The following DLGAP2 variants were observed in gnomAD, a reference collection of about 807,000 sequenced individuals.
DLGAP2 encodes disks large-associated protein 2.
DLGAP2 carries 26 observed loss-of-function variants against 100.3 expected under a neutral mutation model. That is an observed-to-expected ratio of 0.26 (90% CI 0.19 to 0.36). The LOEUF is 0.36. Ranked by LOEUF, DLGAP2 falls within the 10% of genes least tolerant of loss-of-function variation. DLGAP2 has a pLI of 1.00. For missense variants in DLGAP2, 1,858 were observed against 1,453.2 expected, an observed-to-expected ratio of 1.28 and a Z score of -4.53; for synonymous variants, 886 against 630.1, an observed-to-expected ratio of 1.41 and a Z score of -6.08.
rs549690267 is a variant in DLGAP2 at position 1,529,695 on chromosome 8, A to G, written c.173-18931A>G. On this transcript the variant is annotated intron_variant, in intron 4 of 14. Transcript: ENST00000637795. ...GAACAATGTGAAAAAATGGCAAATAATTACTCTTTGAACAGACACTTATCA... is the reference window on the plus strand; with the variant it reads ...GAACAATGTGAAAAAATGGCAAATAGTTACTCTTTGAACAGACACTTATCA... 2.3e-4 allele frequency among the ~76,000 whole-genome samples: 35 copies of G among 152,350 alleles called. 2 individuals carry two copies. Among genetic ancestry groups the G allele is most frequent in the African/African-American group, 7.7e-4 (32 of 41,576 alleles).
At chr8:1,566,847 C>T (rs941115104) in intron 6 of DLGAP2, among the ~76,000 whole-genome samples, 21 of 152,216 alleles carry the variant, frequency 1.4e-4, no homozygotes, top group African/African-American at 5.1e-4. Context: ...CCAAATCTTA[C>T]AAATTAGAAC....
At chr8:1,198,224 C>T (rs189144688) in intron 2 of DLGAP2, among the ~76,000 whole-genome samples, 41 of 152,224 alleles carry the variant, frequency 2.7e-4, no homozygotes, top group African/African-American at 9.6e-4. Context: ...ATTCCAGCTC[C>T]TCACCCCCAT....
At chr8:1,576,845 C>G (rs1331351974) in intron 6 of DLGAP2, among the ~76,000 whole-genome samples, 1 of 152,096 alleles carries the variant, frequency 6.6e-6, no homozygotes, top group East Asian at 1.9e-4. Flanking sequence ...GGTACCAGTA[C>G]AAGGTAATTT....
At chr8:1,153,904 G>T (rs1168572945) in intron 2 of DLGAP2, among the ~76,000 whole-genome samples, 1 of 152,122 alleles carries the variant, frequency 6.6e-6, no homozygotes, top group Non-Finnish European at 1.5e-5. Flanking sequence ...CAAGTGCACT[G>T]GACCCCAGAG....
chr8:1,092,886 C>G (rs1170962608), intron 2 of DLGAP2, among the ~76,000 whole-genome samples: 1 of 152,188 alleles, frequency 6.6e-6, no homozygotes, highest in Non-Finnish European at 1.5e-5. Flanking sequence ...AGATCAGCCA[C>G]TTACACTGTG....
intron 2 of DLGAP2, among the ~76,000 whole-genome samples, chr8:1,076,945 GCCCCCCAA>G (rs1803635917): frequency 8.5e-6 from 1 of 117,518 alleles, no homozygotes; most frequent in Admixed American, 9.0e-5. Context: ...TCTGTCCCGG[GCCCCCCAA>G]GACCAAGAGG....
At chr8:1,173,674 C>A (rs567134494) in intron 2 of DLGAP2, among the ~76,000 whole-genome samples, 2 of 152,170 alleles carry the variant, frequency 1.3e-5, no homozygotes, top group African/African-American at 2.4e-5. Context: ...GGGCGTAGGA[C>A]CCTCTGAGCC....
At chr8:755,971 G>T (rs1200486281) in intron 1 of DLGAP2, among the ~76,000 whole-genome samples, 2 of 152,336 alleles carry the variant, frequency 1.3e-5, no homozygotes, top group East Asian at 1.9e-4. Context: ...TCATCCTAGT[G>T]CTTACCTGAG....
intron 3 of DLGAP2, among the ~76,000 whole-genome samples, chr8:1,279,868 A>C (rs1416481235): frequency 7.9e-5 from 12 of 152,116 alleles, no homozygotes; most frequent in Non-Finnish European, 1.6e-4. Flanking sequence ...GTTGAGTAGC[A>C]GTGTCAGGCC....
chr8:1,556,049 G>C (rs1292609995), intron 5 of DLGAP2, among the ~76,000 whole-genome samples: 1 of 152,242 alleles, frequency 6.6e-6, no homozygotes, highest in Non-Finnish European at 1.5e-5. Flanking sequence ...TGTAACTCAA[G>C]ATGGTCGTGG....
chr8:1,482,094 A>C (rs1206993734), intron 3 of DLGAP2, among the ~76,000 whole-genome samples: 5 of 152,246 alleles, frequency 3.3e-5, no homozygotes, highest in Non-Finnish European at 2.9e-5. Flanking sequence ...AAAGCATCCA[A>C]GTGGCTGTGT....
At chr8:1,219,565 G>C (rs1180472623) in intron 2 of DLGAP2, among the ~76,000 whole-genome samples, 1 of 152,024 alleles carries the variant, frequency 6.6e-6, no homozygotes. Flanking sequence ...AGGATACTTA[G>C]CACAAGTTTT....
intron 3 of DLGAP2, among the ~76,000 whole-genome samples, chr8:1,338,939 TC>T (rs1447324720): frequency 2.7e-5 from 4 of 146,912 alleles, no homozygotes; most frequent in African/African-American, 5.1e-5. Context: ...TGCAATGACC[TC>T]AGTGAGGCGT....
chr8:1,005,405 G>GTTTT (rs34780471), intron 2 of DLGAP2, among the ~76,000 whole-genome samples: 3 of 99,192 alleles, frequency 3.0e-5, no homozygotes, highest in East Asian at 2.8e-4. Context: ...AACTCCACTT[G>GTTTT]TTTTTTTTTT....
chr8:1,080,089 C>T (rs1289311831), intron 2 of DLGAP2, among the ~76,000 whole-genome samples: 6 of 152,240 alleles, frequency 3.9e-5, no homozygotes, highest in Admixed American at 3.9e-4. Flanking sequence ...CACGGGCCTG[C>T]TTCCCCAGCC....
chr8:1,592,443 G>A (rs1260946153), intron 6 of DLGAP2, among the ~76,000 whole-genome samples: 1 of 151,862 alleles, frequency 6.6e-6, no homozygotes, highest in African/African-American at 2.4e-5. Context: ...GCTTGGAAAG[G>A]GCTCCCTGAA....
intron 2 of DLGAP2, among the ~76,000 whole-genome samples, chr8:1,012,600 C>A (rs1253669993): frequency 7.5e-6 from 1 of 133,518 alleles, no homozygotes; most frequent in African/African-American, 2.9e-5. Flanking sequence ...GTGTGGACAC[C>A]GTCTGACCGG....
chr8:1,593,837 A>G (rs1417996082), intron 6 of DLGAP2, among the ~76,000 whole-genome samples: 2 of 152,178 alleles, frequency 1.3e-5, no homozygotes, highest in African/African-American at 4.8e-5. Flanking sequence ...ATAAGCAAAC[A>G]AGAACTCCAT....
chr8:1,533,738 G>C (rs1258039936), intron 4 of DLGAP2, among the ~76,000 whole-genome samples: 1 of 151,988 alleles, frequency 6.6e-6, no homozygotes, highest in African/African-American at 2.4e-5. Flanking sequence ...GTCATCAATA[G>C]TACCTTAAAA....
Sources: allele counts gnomAD v4.1 joint callset (sites outside exome capture counted in the v4.1 genomes callset), GRCh38; gene constraint gnomAD v4.1.1; transcripts MANE v1.5; gene names NCBI Gene and HGNC (gene_info 2026-07-23, HGNC 2026-07-21).